MSMB: variants seen among roughly 807,000 people sequenced by gnomAD.
The protein encoded by MSMB is microseminoprotein beta, also known as beta-microseminoprotein.
MSMB carries 10 observed loss-of-function variants against 10.5 expected under a neutral mutation model. The observed-to-expected ratio is 0.95, with a 90% CI of 0.59 to 1.62. The LOEUF is 1.62. Among genes scored for constraint, MSMB ranks in the 40% most tolerant of loss-of-function variants. The probability of loss-of-function intolerance (pLI) is 0.00; values close to 1 mark genes in which losing one functional copy is unlikely to be tolerated. For missense variants in MSMB, 126 were observed against 137.4 expected (o/e 0.92, Z 0.42); for synonymous variants, 43 against 46.5 (o/e 0.93, Z 0.30).
intron 1 of MSMB, among the ~76,000 whole-genome samples, chr10:46,042,517 C>A (rs1213111559): frequency 6.6e-6 from 1 of 152,202 alleles, no homozygotes; most frequent in Non-Finnish European, 1.5e-5. Context: ...TATATATCCA[C>A]ATTCTTAAAA....
chr10:46,037,425 G>C (rs111926332), intron 3 of MSMB, among the ~76,000 whole-genome samples: 2 of 152,272 alleles, frequency 1.3e-5, no homozygotes, highest in African/African-American at 4.8e-5. Context: ...AGATGGATTT[G>C]GGGGGTTGGG....
chr10:46,043,232 C>T (rs1554928872), intron 1 of MSMB, among the ~76,000 whole-genome samples: 1 of 152,142 alleles, frequency 6.6e-6, no homozygotes, highest in South Asian at 2.1e-4. Context: ...GGCTGCATCC[C>T]AGGACAAGTG....
At chr10:46,038,875 C>A in intron 3 of MSMB, 91 bp downstream of exon 3, 1 of 1,082,908 alleles carries the variant, frequency 9.2e-7, no homozygotes, top group East Asian at 2.6e-5. Context: ...AAAAACTAAA[C>A]CCCTGAAGAT....
At chr10:46,046,142 C>G in intron 1 of MSMB, 93 bp downstream of exon 1, 1 of 1,284,766 alleles carries the variant, frequency 7.8e-7, no homozygotes, top group South Asian at 1.2e-5. Flanking sequence ...ATTTACCATT[C>G]AATGCTATGT....
chr10:46,038,838 T>C (rs1313191324), intron 3 of MSMB, 128 bp downstream of exon 3: 3 of 731,710 alleles, frequency 4.1e-6, no homozygotes, highest in South Asian at 3.5e-5. Flanking sequence ...AAAACTACTC[T>C]ATATAAAGTC....
intron 3 of MSMB, among the ~76,000 whole-genome samples, chr10:46,037,424 TG>T (rs1257236223): frequency 3.3e-5 from 5 of 152,256 alleles, no homozygotes; most frequent in African/African-American, 1.2e-4. Flanking sequence ...TAGATGGATT[TG>T]GGGGGTTGGG....
At chr10:46,038,865 A>T in intron 3 of MSMB, 101 bp downstream of exon 3, 1 of 1,005,600 alleles carries the variant, frequency 9.9e-7, no homozygotes, top group South Asian at 1.4e-5. Context: ...AAACTAAAAC[A>T]AAAACTAAAC....
At chr10:46,038,288 C>A (rs1044268192) in intron 3 of MSMB, among the ~76,000 whole-genome samples, 5 of 151,688 alleles carry the variant, frequency 3.3e-5, no homozygotes, top group South Asian at 2.1e-4. Flanking sequence ...TATATTTTAC[C>A]GCAATTTTTT....
rs532876460 is a variant in MSMB at position 46,045,083 on chromosome 10, G to A, written c.3+1152C>T. On this transcript the variant is annotated intron_variant, in intron 1 of 3. Transcript: ENST00000582163. ...TGAGGACCCTCTCCCACCTCCCTTG[G>A]CTCCTCCCACTTGGCTGGCTGTTTC... Among the ~76,000 whole-genome samples, 4 of 152,246 alleles carry A rather than the reference G, an allele frequency of 2.6e-5. No individual in the cohort carries two copies. In the East Asian group the frequency reaches 7.7e-4, roughly 29 times the overall value.
intron 1 of MSMB, among the ~76,000 whole-genome samples, chr10:46,041,733 G>A (rs1345459396): frequency 6.6e-6 from 1 of 151,924 alleles, no homozygotes; most frequent in Non-Finnish European, 1.5e-5. Flanking sequence ...GGTTGAGGCT[G>A]CAGTGAGCCA....
intron 2 of MSMB, 106 bp downstream of exon 2, chr10:46,039,880 A>G (rs1840702021): frequency 2.3e-6 from 2 of 885,468 alleles, no homozygotes; most frequent in Non-Finnish European, 3.5e-6. Context: ...TGACTATCTC[A>G]AAAAACAAAG....
intron 1 of MSMB, among the ~76,000 whole-genome samples, chr10:46,040,308 C>A (rs1264939695): frequency 6.6e-6 from 1 of 152,050 alleles, no homozygotes; most frequent in Non-Finnish European, 1.5e-5. Context: ...AATAAACAAA[C>A]AAACCTTAAC....
intron 3 of MSMB, among the ~76,000 whole-genome samples, chr10:46,035,922 T>A (rs1840591470): frequency 6.6e-6 from 1 of 152,210 alleles, no homozygotes; most frequent in South Asian, 2.1e-4. Context: ...GTGCTGCCTG[T>A]GTGCAAATAC....
intron 3 of MSMB, among the ~76,000 whole-genome samples, chr10:46,035,392 G>GTT (rs1382081403): frequency 6.6e-6 from 1 of 152,160 alleles, no homozygotes; most frequent in East Asian, 1.9e-4. Flanking sequence ...TTATCCAACA[G>GTT]GCAGAAGCAA....
chr10:46,039,850 C>A, intron 2 of MSMB, 136 bp downstream of exon 2: 2 of 648,504 alleles, frequency 3.1e-6, no homozygotes, highest in Non-Finnish European at 5.2e-6. Flanking sequence ...CCACTGCACT[C>A]CAGCCTGGGA....
chr10:46,038,840 TATA>T, intron 3 of MSMB, 123 bp downstream of exon 3: 2 of 754,722 alleles, frequency 2.6e-6, no homozygotes. Context: ...AACTACTCTA[TATA>T]AAGTCTATAA....
At position 46,044,054 on chromosome 10, in the gene MSMB, G is replaced by A. The variant is rs771741880; in HGVS notation, c.3+2181C>T. 3.9e-4 allele frequency among the ~76,000 whole-genome samples: 60 copies of A among 152,140 alleles called. 1 individual carries two copies. Among genetic ancestry groups the A allele is most frequent in the Non-Finnish European group, 1.9e-4 (13 of 68,020 alleles). Reference sequence around the variant, plus strand: ...ACGGAAGCTCCCAGGTGATGCCCACGCTGCTGGTCTGAGGTCCACCCCTGA... The same window carrying A: ...ACGGAAGCTCCCAGGTGATGCCCACACTGCTGGTCTGAGGTCCACCCCTGA... On this transcript the variant is annotated intron_variant, in intron 1 of 3. Transcript: ENST00000582163.
At chr10:46,042,652 C>T (rs2132423081) in intron 1 of MSMB, among the ~76,000 whole-genome samples, 2 of 152,240 alleles carry the variant, frequency 1.3e-5, no homozygotes, top group African/African-American at 4.8e-5. Flanking sequence ...TGGAAAGAAA[C>T]AAAATGCCCA....
intron 1 of MSMB, among the ~76,000 whole-genome samples, chr10:46,041,098 CT>C (rs1554928532): frequency 3.3e-5 from 5 of 152,254 alleles, no homozygotes; most frequent in Admixed American, 2.0e-4. Flanking sequence ...AATCCTAGCA[CT>C]TTGGGAGGCG....
Sources: allele counts gnomAD v4.1 joint callset (sites outside exome capture counted in the v4.1 genomes callset), GRCh38; gene constraint gnomAD v4.1.1; transcripts MANE v1.5; gene names NCBI Gene and HGNC (gene_info 2026-07-23, HGNC 2026-07-21).